Variants in GRAMD1B observed in about 807,000 individuals in gnomAD.
The protein encoded by GRAMD1B is protein Aster-B.
In GRAMD1B, 37 loss-of-function variants were observed where a neutral mutation model predicts 99.7. The observed-to-expected ratio is 0.37, with a 90% confidence interval of 0.29 to 0.49. The LOEUF (loss-of-function observed/expected upper bound fraction) is 0.49, where lower values mean the gene tolerates loss of function less well. Among genes scored for constraint, GRAMD1B ranks in the 20% least tolerant of loss-of-function variants. GRAMD1B has a pLI of 0.98. For missense variants in GRAMD1B, 888 were observed against 1,009.2 expected (o/e 0.88, Z 1.63); for synonymous variants, 427 against 387.6 (o/e 1.10, Z -1.19).
At chr11:123,538,778 CCTGA>C (rs938429399) in intron 2 of GRAMD1B, among the ~76,000 whole-genome samples, 20 of 152,044 alleles carry the variant, frequency 1.3e-4, no homozygotes, top group African/African-American at 4.6e-4. Flanking sequence ...CATCACCACA[CCTGA>C]CTAATTGTTT....
intron 14 of GRAMD1B, 42 bp from the exon 15 acceptor site, chr11:123,612,719 C>A: frequency 9.1e-7 from 1 of 1,101,380 alleles, no homozygotes; most frequent in Non-Finnish European, 1.4e-6. Flanking sequence ...GAGGCAGGCC[C>A]ACCCAGGAAA....
At chr11:123,380,762 T>G (rs1384824595) in intron 1 of GRAMD1B, among the ~76,000 whole-genome samples, 1 of 152,184 alleles carries the variant, frequency 6.6e-6, no homozygotes, top group Non-Finnish European at 1.5e-5. Flanking sequence ...TTGGTCCCCT[T>G]TTGTCCACGT....
At chr11:123,396,199 C>CTT (rs1947454942) in intron 1 of GRAMD1B, among the ~76,000 whole-genome samples, 3 of 139,652 alleles carry the variant, frequency 2.1e-5, no homozygotes, top group Non-Finnish European at 4.9e-5. Flanking sequence ...TCTTTTCTTT[C>CTT]CTTTTTTTTT....
intron 1 of GRAMD1B, among the ~76,000 whole-genome samples, chr11:123,469,812 C>G (rs1950916943): frequency 7.8e-6 from 1 of 128,948 alleles, no homozygotes. Context: ...TCCTTCCTTC[C>G]TCTCTTTTTC....
chr11:123,480,561 G>A (rs1319895179), intron 1 of GRAMD1B, among the ~76,000 whole-genome samples: 1 of 152,164 alleles, frequency 6.6e-6, no homozygotes, highest in Non-Finnish European at 1.5e-5. Context: ...GAGTGTGGTA[G>A]CAGGGCGAGA....
chr11:123,383,503 G>C (rs545806946), intron 1 of GRAMD1B, among the ~76,000 whole-genome samples: 2 of 152,174 alleles, frequency 1.3e-5, no homozygotes, highest in South Asian at 4.1e-4. Context: ...ATCTGTGTCA[G>C]TATCTTCATC....
chr11:123,466,315 A>G lies in GRAMD1B; in HGVS notation c.375-14501A>G, dbSNP rs1950656792. Among the ~76,000 whole-genome samples the G allele has an allele frequency of 2.4e-5, 3 of 124,268 alleles. No homozygotes were observed. In the South Asian group the frequency reaches 8.1e-4, roughly 34 times the overall value. 81.5% of individuals were successfully genotyped at this position (124,268 alleles called of 152,430 possible). A position where few individuals can be genotyped will look rare whatever the true frequency, so the allele number is the denominator to read the frequency against. Reference sequence around the variant, plus strand: ...AAAAGAAAGAAAGAGAGAGAGAGAAAGAGAAAGAAAGAAAGAAAGAAGGAA... The same window carrying G: ...AAAAGAAAGAAAGAGAGAGAGAGAAGGAGAAAGAAAGAAAGAAAGAAGGAA... On this transcript the variant is annotated intron_variant, in intron 1 of 19. Transcript: ENST00000635736.
chr11:123,364,473 A>T (rs115021214), intron 1 of GRAMD1B, among the ~76,000 whole-genome samples: 2,109 of 152,356 alleles, frequency 0.014, 46 homozygotes, highest in African/African-American at 0.048. Flanking sequence ...AGAAGCCGCT[A>T]TCCTTTTCCT....
intron 2 of GRAMD1B, among the ~76,000 whole-genome samples, chr11:123,518,103 G>C (rs1308386451): frequency 6.6e-6 from 1 of 152,166 alleles, no homozygotes; most frequent in African/African-American, 2.4e-5. Context: ...TTCAGGCAAC[G>C]GCCCCTCTCC....
At chr11:123,476,225 C>G (rs911830786) in intron 1 of GRAMD1B, among the ~76,000 whole-genome samples, 1 of 151,988 alleles carries the variant, frequency 6.6e-6, no homozygotes. Context: ...CTCAACTTCC[C>G]GAGTAGCTGG....
intron 3 of GRAMD1B, among the ~76,000 whole-genome samples, chr11:123,580,364 T>C (rs1949218272): frequency 6.6e-6 from 1 of 152,158 alleles, no homozygotes; most frequent in Admixed American, 6.5e-5. Context: ...CTGGGGTTAA[T>C]CACATGTCTT....
At chr11:123,579,837 G>A (rs534648868) in intron 3 of GRAMD1B, among the ~76,000 whole-genome samples, 4 of 152,308 alleles carry the variant, frequency 2.6e-5, no homozygotes, top group Admixed American at 2.6e-4. Flanking sequence ...TCAGGGACCA[G>A]GTAGAATTCT....
intron 8 of GRAMD1B, 142 bp from the exon 9 acceptor site, chr11:123,603,284 G>T: frequency 1.6e-6 from 1 of 628,092 alleles, no homozygotes; most frequent in East Asian, 2.7e-5. Context: ...AAGGCAGATG[G>T]GGGTGGTGGC....
At chr11:123,621,492 A>C (rs1592322066) in intron 19 of GRAMD1B, among the ~76,000 whole-genome samples, 2 of 152,192 alleles carry the variant, frequency 1.3e-5, no homozygotes, top group Admixed American at 6.5e-5. Flanking sequence ...GTCCTAGCAA[A>C]CATGAAACCA....
chr11:123,462,513 C>A (rs73609924), intron 1 of GRAMD1B, among the ~76,000 whole-genome samples: 1,771 of 152,314 alleles, frequency 0.012, 30 homozygotes, highest in African/African-American at 0.039. Flanking sequence ...GAGTCCCAGC[C>A]CAAGCTCAGA....
intron 1 of GRAMD1B, among the ~76,000 whole-genome samples, chr11:123,450,458 A>C (rs1949837973): frequency 6.6e-6 from 1 of 152,230 alleles, no homozygotes; most frequent in Non-Finnish European, 1.5e-5. Flanking sequence ...ATAGTGAACA[A>C]AATAGAGTCT....
intron 2 of GRAMD1B, among the ~76,000 whole-genome samples, chr11:123,487,770 C>T (rs560437715): frequency 1.6e-3 from 242 of 152,234 alleles, no homozygotes; most frequent in African/African-American, 5.5e-3. Flanking sequence ...TCATGCCCAG[C>T]TAATTTTTGT....
At chr11:123,614,284 C>A (rs1386453535) in intron 16 of GRAMD1B, among the ~76,000 whole-genome samples, 2 of 152,186 alleles carry the variant, frequency 1.3e-5, no homozygotes, top group African/African-American at 4.8e-5. Context: ...CCTAGCTTTA[C>A]CCCTAGCACT....
chr11:123,378,552 A>G (rs946798206), intron 1 of GRAMD1B, among the ~76,000 whole-genome samples: 1 of 152,214 alleles, frequency 6.6e-6, no homozygotes, highest in Admixed American at 6.5e-5. Flanking sequence ...TCTGGAATGT[A>G]TGGGGAAATG....
Sources: gnomAD v4.1 joint callset for allele counts (sites outside exome capture counted in the v4.1 genomes callset) on GRCh38, gnomAD v4.1.1 for gene constraint, MANE v1.5 for transcripts, NCBI Gene and HGNC (gene_info 2026-07-23, HGNC 2026-07-21) for gene names.